The following MCM3 variants were observed in gnomAD, a reference collection of about 807,000 sequenced individuals.
MCM3 encodes the protein minichromosome maintenance complex component 3.
Under a neutral mutation model 91.3 loss-of-function variants are expected in MCM3, and 59 were observed. The observed-to-expected ratio is 0.65, with a 90% CI of 0.52 to 0.80. The LOEUF (loss-of-function observed/expected upper bound fraction) is 0.80. MCM3 is among the 30% of genes least tolerant of loss of function. The pLI is 0.00. For missense variants in MCM3, 919 were observed against 1,035.4 expected (o/e 0.89, Z 1.54); for synonymous variants, 383 against 379.6 (o/e 1.01, Z -0.10).
chr6:52,269,601 G>A (rs1232255506), intron 12 of MCM3, among the ~76,000 whole-genome samples: 1 of 152,138 alleles, frequency 6.6e-6, no homozygotes, highest in African/African-American at 2.4e-5. Context: ...TAATAACTTG[G>A]AGAAGTTTTA....
rs1358871151 is a variant in MCM3 at position 52,266,210 on chromosome 6, TAG to T, written c.2159-68_2159-67del. 3.0e-5 allele frequency: 36 copies of T among 1,204,816 alleles called. No individual in the cohort carries two copies. In the Admixed American group the frequency reaches 4.9e-4, roughly 16 times the overall value. The allele number at this position is 1,204,816 out of a possible 1,614,324, so 74.6% of individuals were successfully genotyped here. A position where few individuals can be genotyped will look rare whatever the true frequency, so the allele number is the denominator to read the frequency against. ...AAGGTGAAGCCATTTCCACAAACAC[TAG>T]AGAAATCATCTCCACTCCCAATCTC... On this transcript the variant is annotated intron_variant, in intron 15 of 16. Coordinates refer to ENST00000596288, the MANE Select transcript of MCM3 (RefSeq NM_002388.6).
At chr6:52,283,793 T>C (rs1333942339) in intron 1 of MCM3, among the ~76,000 whole-genome samples, 1 of 152,246 alleles carries the variant, frequency 6.6e-6, no homozygotes. Flanking sequence ...GGTAACAACG[T>C]GAATAGATGG....
In MCM3 at chr6:52,283,317, C is replaced by T; in HGVS notation, c.168G>A (p.Arg56=). The change falls in exon 2 of 17, where the codon AGG becomes AGA. Residue 56 remains arginine, a synonymous_variant. Coordinates refer to ENST00000596288, the MANE Select transcript of MCM3 (RefSeq NM_002388.6). ...ACCGGTTAGCCCTCTTCTCGTTTTT[C>T]CTGCGCAGGTCATTCACATTGACAA... ...RLIVNVNDLR[R]KNEKRANRLL... 1.2e-6 allele frequency: 2 copies of T among 1,614,122 alleles called. No homozygotes were observed. The highest frequency in any genetic ancestry group is 1.7e-6 in the Non-Finnish European group (2 of 1,180,004).
intron 4 of MCM3, among the ~76,000 whole-genome samples, chr6:52,280,744 C>A (rs768275938): frequency 8.6e-5 from 13 of 152,024 alleles, no homozygotes; most frequent in Non-Finnish European, 1.3e-4. Context: ...CCGAAGAAGA[C>A]AACAGAATGA....
At position 52,269,335 on chromosome 6, in the gene MCM3, A is replaced by T. The variant is rs1764909512; in HGVS notation, c.1828-109T>A. 6 of 1,049,368 alleles carry T rather than the reference A, an allele frequency of 5.7e-6. No homozygotes were observed. In the South Asian group the frequency reaches 1.0e-4, roughly 17 times the overall value. 65.0% of individuals were successfully genotyped at this position (1,049,368 alleles called of 1,614,324 possible). Reference sequence around the variant, plus strand: ...TACCAGAAAAGCCCCAGGAGGCCCAAGCAAAGAATTCAGAGTTCTGTGTTC... The same window carrying T: ...TACCAGAAAAGCCCCAGGAGGCCCATGCAAAGAATTCAGAGTTCTGTGTTC... On this transcript the variant is annotated intron_variant, in intron 12 of 16. Coordinates refer to ENST00000596288, the MANE Select transcript of MCM3 (RefSeq NM_002388.6).
chr6:52,274,065 G>A, intron 9 of MCM3, 149 bp from the exon 10 acceptor site: 1 of 606,706 alleles, frequency 1.6e-6, no homozygotes, highest in South Asian at 2.2e-5. Flanking sequence ...GTGTTTTAAA[G>A]CCATTAAACA....
chr6:52,279,802 G>T (rs1223424363), intron 4 of MCM3, among the ~76,000 whole-genome samples: 1 of 152,172 alleles, frequency 6.6e-6, no homozygotes, highest in Non-Finnish European at 1.5e-5. Context: ...AGTCTGAATG[G>T]ACTATGGTTA....
chr6:52,264,858 G>GA, intron 16 of MCM3, 72 bp from the exon 17 acceptor site: 3 of 1,323,060 alleles, frequency 2.3e-6, no homozygotes, highest in Non-Finnish European at 2.2e-6. Flanking sequence ...GCTATACTAG[G>GA]AAAATCCATA....
intron 1 of MCM3, among the ~76,000 whole-genome samples, chr6:52,284,220 C>G (rs548618741): frequency 2.0e-5 from 3 of 152,334 alleles, no homozygotes; most frequent in African/African-American, 7.2e-5. Context: ...TCTGAGCACT[C>G]TGCAACGCGG....
intron 2 of MCM3, 115 bp downstream of exon 2, chr6:52,283,179 G>C: frequency 1.2e-6 from 1 of 830,954 alleles, no homozygotes; most frequent in Non-Finnish European, 1.9e-6. Context: ...GAGCTACGAG[G>C]GCTTGTAGAT....
intron 5 of MCM3, 32 bp downstream of exon 5, chr6:52,279,329 G>A (rs753930621): frequency 6.5e-7 from 1 of 1,533,596 alleles, no homozygotes; most frequent in Non-Finnish European, 9.0e-7. Flanking sequence ...GCTGTCAACA[G>A]CATTCCATAT....
rs985797509 is a variant in MCM3 at position 52,273,774 on chromosome 6, C to T, written c.1517G>A (p.Arg506His). ...ATCCTGCTCCCCAGGTGCTCTGTAA[C>T]GGTGCATCCGAAGGACATGGTCTGA... ...EISDHVLRMH[R>H]YRAPGEQDGD... Residue 506 changes from arginine to histidine, a missense_variant, in exon 10 of 17, where the codon CGT becomes CAT. By Grantham distance (29) the Arg-to-His change is conservative. Coordinates refer to ENST00000596288, the MANE Select transcript of MCM3 (RefSeq NM_002388.6). 3.1e-6 allele frequency: 5 copies of T among 1,613,256 alleles called. No homozygotes were observed. Among genetic ancestry groups the T allele is most frequent in the African/African-American group, 2.7e-5 (2 of 74,906 alleles).
chr6:52,273,174 C>T lies in MCM3; in HGVS notation c.1676+56G>A, dbSNP rs142297982. On this transcript the variant is annotated intron_variant, in intron 11 of 16. Coordinates refer to ENST00000596288, the MANE Select transcript of MCM3 (RefSeq NM_002388.6). ...TTAGCTAAGCTTAGATATACACATG[C>T]TCTAATATAACACATATTTCAGGTT... 26 of 1,608,478 alleles carry T rather than the reference C, an allele frequency of 1.6e-5. No homozygotes were observed. In the African/African-American group the frequency reaches 2.9e-4, roughly 18 times the overall value.
chr6:52,281,217 G>GC lies in MCM3; in HGVS notation c.531+827dup, dbSNP rs543117654. Among the ~76,000 whole-genome samples the GC allele has an allele frequency of 6.6e-4, 100 of 152,130 alleles. No homozygotes were observed. In the East Asian group the frequency reaches 0.012, roughly 18 times the overall value. ...CCTATGCCAACCTGCTCCCAAACCC[G>GC]CAACAAAATATTTGTAAAGATTACA... On this transcript the variant is annotated intron_variant, in intron 4 of 16. Coordinates refer to ENST00000596288, the MANE Select transcript of MCM3 (RefSeq NM_002388.6).
intron 2 of MCM3, 103 bp downstream of exon 2, chr6:52,283,191 A>T: frequency 1.1e-6 from 1 of 938,760 alleles, no homozygotes; most frequent in Non-Finnish European, 1.7e-6. Flanking sequence ...CTTGTAGATC[A>T]ATCCTGTTTC....
intron 2 of MCM3, among the ~76,000 whole-genome samples, 149 bp downstream of exon 2, chr6:52,283,138 GAAAAAAA>G (rs59102970): frequency 7.3e-6 from 1 of 136,326 alleles, no homozygotes; most frequent in Admixed American, 7.7e-5. Context: ...CCCACTTTTT[GAAAAAAA>G]AAAAAAAAAA....
chr6:52,282,939 T>C, intron 2 of MCM3, 78 bp from the exon 3 acceptor site: 3 of 1,001,660 alleles, frequency 3.0e-6, no homozygotes, highest in Non-Finnish European at 4.5e-6. Flanking sequence ...CAGACATTCT[T>C]AGATCATTAA....
rs1766145052 is a variant in MCM3, at chr6:52,282,047, T to TG, written c.528dup (p.Lys177GlnfsTer3). On this transcript the variant is annotated frameshift_variant, in exon 4 of 17. Transcript: ENST00000596288. LOFTEE classifies it high-confidence loss of function. Reference sequence around the variant, plus strand: ...CTCAACTGATTTATCCCCCTTACCTTGGTAGGATAGACAGAGCTGGAGGGA... The same window carrying TG: ...CTCAACTGATTTATCCCCCTTACCTTGGGTAGGATAGACAGAGCTGGAGGGA... 1 of 1,613,922 alleles carries TG rather than the reference T, an allele frequency of 6.2e-7. No homozygotes were observed. Among genetic ancestry groups the TG allele is most frequent in the Non-Finnish European group, 8.5e-7 (1 of 1,179,934 alleles).
In MCM3 at chr6:52,276,282, G is replaced by C. The variant is rs1260722134; in HGVS notation, c.1360C>G (p.Pro454Ala). 4.3e-6 allele frequency: 7 copies of C among 1,611,392 alleles called. No homozygotes were observed. The highest frequency in any genetic ancestry group is 4.2e-6 in the Non-Finnish European group (5 of 1,179,510). The change falls in exon 9 of 17, where the codon CCT (proline) becomes GCT (alanine). Residue 454 changes from proline to alanine, a missense_variant. Pro to Ala is a conservative substitution (Grantham distance 27). This residue lies in a region of MCM3 where 233 missense variants were observed against 321.2 expected (regional missense o/e 0.73). Coordinates refer to ENST00000596288, the MANE Select transcript of MCM3 (RefSeq NM_002388.6). The stretch of plus-strand genomic sequence containing the variant: ...ATTCCACTTACCCTGCCGTAGACAG[G>C]GTTGGCAGCTGCCAAAACACTGCAG... Reference protein sequence around the residue: ...ARCSVLAAANPVYGRYDQYKT... With the variant: ...ARCSVLAAANAVYGRYDQYKT...
Sources: allele counts gnomAD v4.1 joint callset (sites outside exome capture counted in the v4.1 genomes callset), GRCh38; gene constraint gnomAD v4.1.1; regional missense constraint gnomAD v4.1.1; transcripts MANE v1.5; gene names NCBI Gene and HGNC (gene_info 2026-07-23, HGNC 2026-07-21).